Variants in GLDN observed in about 807,000 individuals in gnomAD.
GLDN encodes gliomedin.
In GLDN, 47 loss-of-function variants were observed where a neutral mutation model predicts 56.5. That is an observed-to-expected ratio of 0.83 (90% confidence interval 0.66 to 1.06). The LOEUF (loss-of-function observed/expected upper bound fraction) is 1.06. GLDN is among the 50% of genes least tolerant of loss of function. The pLI, the probability that GLDN is intolerant of heterozygous loss-of-function variation, is 0.00. For missense variants in GLDN, 782 were observed against 714.3 expected (o/e 1.09, Z -1.08); for synonymous variants, 332 against 278.8 (o/e 1.19, Z -1.90).
chr15:51,386,473 A>G (rs960989918), intron 4 of GLDN, among the ~76,000 whole-genome samples: 1 of 152,156 alleles, frequency 6.6e-6, no homozygotes, highest in African/African-American at 2.4e-5. Flanking sequence ...CTTGCAGGAA[A>G]GGGATAGGGA....
At chr15:51,410,303 G>T (rs1173150562), downstream of GLDN, among the ~76,000 whole-genome samples, 3 of 152,224 alleles carry the variant, frequency 2.0e-5, no homozygotes, top group Non-Finnish European at 4.4e-5. Context: ...AAGACATTTT[G>T]CTTTTGGTGC....
chr15:51,345,950 AG>A (rs2036970751), intron 1 of GLDN, among the ~76,000 whole-genome samples: 1 of 152,242 alleles, frequency 6.6e-6, no homozygotes, highest in East Asian at 1.9e-4. Flanking sequence ...ATCTGTTGAA[AG>A]ATATAATGGA....
At chr15:51,355,729 T>A (rs374277740) in intron 1 of GLDN, among the ~76,000 whole-genome samples, 2 of 149,784 alleles carry the variant, frequency 1.3e-5, no homozygotes, top group Non-Finnish European at 3.0e-5. Flanking sequence ...TTCACCGTGT[T>A]AGCCGGGATG....
chr15:51,388,896 A>T (rs991436494), intron 4 of GLDN, among the ~76,000 whole-genome samples: 1 of 152,226 alleles, frequency 6.6e-6, no homozygotes, highest in African/African-American at 2.4e-5. Context: ...TCTGAGCTCC[A>T]AGGCTGAGTC....
chr15:51,389,654 CG>C (rs912575067), intron 4 of GLDN, among the ~76,000 whole-genome samples: 2 of 152,156 alleles, frequency 1.3e-5, no homozygotes, highest in Non-Finnish European at 2.9e-5. Flanking sequence ...GTGGGAAAGG[CG>C]GGGGAACAGG....
chr15:51,368,519 A>G (rs1339183027), intron 1 of GLDN, among the ~76,000 whole-genome samples: 1 of 151,836 alleles, frequency 6.6e-6, no homozygotes, highest in African/African-American at 2.4e-5. Context: ...CTGCGGCCCA[A>G]CACGAGCTGG....
At chr15:51,370,399 A>T (rs901282744) in intron 1 of GLDN, among the ~76,000 whole-genome samples, 1 of 152,194 alleles carries the variant, frequency 6.6e-6, no homozygotes, top group African/African-American at 2.4e-5. Context: ...TATTTGCTTT[A>T]TATTTTGGGA....
At chr15:51,355,813 ACACC>A (rs1566936392) in intron 1 of GLDN, among the ~76,000 whole-genome samples, 1 of 149,458 alleles carries the variant, frequency 6.7e-6, no homozygotes, top group Non-Finnish European at 1.5e-5. Flanking sequence ...GTGAGCCACC[ACACC>A]CGGCCCTACT....
chr15:51,401,874 A>G, intron 9 of GLDN, 131 bp downstream of exon 9: 1 of 781,800 alleles, frequency 1.3e-6, no homozygotes, highest in Non-Finnish European at 2.0e-6. Flanking sequence ...ACTGAGGTCA[A>G]TCAGGGTTTG....
chr15:51,353,734 A>C (rs2446408), intron 1 of GLDN, among the ~76,000 whole-genome samples: 18,104 of 128,402 alleles, frequency 0.14, 1,798 homozygotes, highest in South Asian at 0.25. Context: ...AAAAAAAAAA[A>C]CCACAGTCAA....
At chr15:51,357,836 C>T (rs930394584) in intron 1 of GLDN, among the ~76,000 whole-genome samples, 2 of 152,152 alleles carry the variant, frequency 1.3e-5, no homozygotes, top group East Asian at 3.9e-4. Context: ...TAAGAATCAT[C>T]TTTGGGCTAG....
At chr15:51,409,141 A>G (rs566225148), downstream of GLDN, among the ~76,000 whole-genome samples, 2 of 150,610 alleles carry the variant, frequency 1.3e-5, no homozygotes, top group East Asian at 4.0e-4. Flanking sequence ...AATAGTTTCC[A>G]TGGGCTGAGA....
chr15:51,377,327 T>C, intron 1 of GLDN, 122 bp from the exon 2 acceptor site: 1 of 728,532 alleles, frequency 1.4e-6, no homozygotes, highest in African/African-American at 1.7e-5. Flanking sequence ...TCCTTGAACT[T>C]CCGCGGGTTC....
chr15:51,367,621 T>A (rs1273759324), intron 1 of GLDN: 2 of 152,264 alleles, frequency 1.3e-5, no homozygotes, highest in African/African-American at 2.4e-5. Flanking sequence ...GACTCGAGAA[T>A]AAGCCCTACC....
At chr15:51,360,117 C>T (rs564691015) in intron 1 of GLDN, 15 of 152,222 alleles carry the variant, frequency 9.9e-5, no homozygotes, top group African/African-American at 3.4e-4. Flanking sequence ...CCCTGGGCCC[C>T]GAGCAAAATT....
chr15:51,400,231 G>T lies in GLDN; in HGVS notation c.857G>T (p.Gly286Val). ...CAIPNDDTLV[G>V]KADEKASEHH... ...ATACCAAATGATGATACCTTGGTTG[G>T]AAAAGCTGATGAGAAAGCCAGTGAA... is the stretch of plus-strand genomic sequence containing the variant. The change falls in exon 7 of 10, where the codon GGA (glycine) becomes GTA (valine). Residue 286 changes from glycine to valine, a missense_variant. Physicochemically the swap from Gly to Val is moderately radical, Grantham distance 109. Transcript: ENST00000335449. 1 of 1,614,178 alleles carries T rather than the reference G, an allele frequency of 6.2e-7. No individual in the cohort carries two copies. Among genetic ancestry groups the T allele is most frequent in the South Asian group, 1.1e-5 (1 of 91,078 alleles).
At chr15:51,347,381 T>C (rs1377858824) in intron 1 of GLDN, among the ~76,000 whole-genome samples, 1 of 152,246 alleles carries the variant, frequency 6.6e-6, no homozygotes, top group Non-Finnish European at 1.5e-5. Context: ...CTCAAATTCA[T>C]AAACTTTCTT....
chr15:51,381,882 A>G (rs1367307093), intron 2 of GLDN, among the ~76,000 whole-genome samples: 1 of 151,786 alleles, frequency 6.6e-6, no homozygotes, highest in Non-Finnish European at 1.5e-5. Flanking sequence ...CAAAGAGGCT[A>G]TCAAACCCAC....
chr15:51,387,124 G>T (rs1226444504), intron 4 of GLDN, among the ~76,000 whole-genome samples: 1 of 152,108 alleles, frequency 6.6e-6, no homozygotes, highest in African/African-American at 2.4e-5. Flanking sequence ...GCCCTGAGAA[G>T]CTCCAACCTC....
Sources: allele counts gnomAD v4.1 joint callset (sites outside exome capture counted in the v4.1 genomes callset), GRCh38; gene constraint gnomAD v4.1.1; transcripts MANE v1.5; gene names NCBI Gene and HGNC (gene_info 2026-07-23, HGNC 2026-07-21).